The following GRM8 variants were observed in gnomAD, a reference collection of about 807,000 sequenced individuals.
The protein encoded by GRM8 is glutamate metabotropic receptor 8.
Under a neutral mutation model 87.2 loss-of-function variants are expected in GRM8, and 47 were observed. The ratio of observed to expected loss-of-function variants is 0.54; its 90% confidence interval spans 0.43 to 0.69. The LOEUF is 0.69. Among genes scored for constraint, GRM8 ranks in the 30% least tolerant of loss-of-function variants. The pLI is 0.00. For missense variants in GRM8, 1,019 were observed against 1,139.2 expected, an observed-to-expected ratio of 0.89 and a Z score of 1.52; for synonymous variants, 396 against 404.5, an observed-to-expected ratio of 0.98 and a Z score of 0.25.
intron 7 of GRM8, among the ~76,000 whole-genome samples, chr7:126,660,961 A>C (rs1805098666): frequency 6.6e-6 from 1 of 152,226 alleles, no homozygotes; most frequent in African/African-American, 2.4e-5. Flanking sequence ...TTTTCGACTG[A>C]ACTCATTGAG....
intron 6 of GRM8, among the ~76,000 whole-genome samples, chr7:126,800,168 T>C (rs946315626): frequency 2.0e-5 from 3 of 152,112 alleles, no homozygotes; most frequent in African/African-American, 7.2e-5. Context: ...ATGAAAATAT[T>C]CTACCTTGCC....
At chr7:126,595,803 C>A (rs1797129279) in intron 8 of GRM8, among the ~76,000 whole-genome samples, 1 of 152,102 alleles carries the variant, frequency 6.6e-6, no homozygotes, top group South Asian at 2.1e-4. Flanking sequence ...GTGAACAGTG[C>A]TGCAGTTAAC....
chr7:126,597,182 G>C (rs55833678), intron 8 of GRM8, among the ~76,000 whole-genome samples: 2,165 of 152,194 alleles, frequency 0.014, 22 homozygotes, highest in Middle Eastern at 0.024. Flanking sequence ...GAGGATCCTA[G>C]CTTTTGGCTC....
chr7:126,827,687 AT>A (rs1189002836), intron 6 of GRM8, among the ~76,000 whole-genome samples: 2 of 152,098 alleles, frequency 1.3e-5, no homozygotes, highest in African/African-American at 4.8e-5. Context: ...TCTTTTCCTA[AT>A]TGAATACCCT....
chr7:126,462,762 TA>T (rs1584694041), intron 9 of GRM8, among the ~76,000 whole-genome samples: 1 of 151,602 alleles, frequency 6.6e-6, no homozygotes, highest in East Asian at 1.9e-4. Flanking sequence ...GTGGAGGAAA[TA>T]TTGAGTATTC....
At chr7:126,957,404 T>G (rs899385946) in intron 3 of GRM8, among the ~76,000 whole-genome samples, 1 of 152,122 alleles carries the variant, frequency 6.6e-6, no homozygotes, top group South Asian at 2.1e-4. Flanking sequence ...CCCTACCGAG[T>G]TGGAGTCCCA....
intron 8 of GRM8, among the ~76,000 whole-genome samples, chr7:126,540,970 ATTTTCAAGTGG>A (rs1816467170): frequency 6.6e-6 from 1 of 152,232 alleles, no homozygotes; most frequent in Non-Finnish European, 1.5e-5. Context: ...TTAAGTAGAT[ATTTTCAAGTGG>A]TTTTAAGACT....
intron 7 of GRM8, among the ~76,000 whole-genome samples, chr7:126,673,917 G>A (rs909814545): frequency 1.2e-4 from 19 of 152,204 alleles, no homozygotes; most frequent in Non-Finnish European, 7.4e-5. Context: ...CTTAGTTGGC[G>A]TTCGATTAGC....
chr7:126,554,784 T>C (rs545609001), intron 8 of GRM8, among the ~76,000 whole-genome samples: 2 of 152,326 alleles, frequency 1.3e-5, no homozygotes, highest in African/African-American at 4.8e-5. Flanking sequence ...TTCCAGTCTT[T>C]CTTTTTATTG....
At chr7:126,816,873 C>A (rs1793836104) in intron 6 of GRM8, among the ~76,000 whole-genome samples, 1 of 151,824 alleles carries the variant, frequency 6.6e-6, no homozygotes, top group Non-Finnish European at 1.5e-5. Context: ...CATGGGCAAT[C>A]TTTTTTATCC....
rs73228921 is a variant in GRM8 at position 126,852,648 on chromosome 7, T to A, written c.1156+49894A>T. ...ACCTTCTTAGAAATCTTAAAATGTA[T>A]TGAGAGTATTTTCTTTAAGAGAATT... On this transcript the variant is annotated intron_variant, in intron 6 of 10. Transcript: ENST00000339582. 3.9e-3 allele frequency among the ~76,000 whole-genome samples: 590 copies of A among 152,262 alleles called. 6 individuals are homozygous for A. The highest frequency in any genetic ancestry group is 3.6e-3 in the Non-Finnish European group (247 of 68,020).
chr7:126,713,801 T>C (rs1811399411), intron 7 of GRM8, among the ~76,000 whole-genome samples: 1 of 152,000 alleles, frequency 6.6e-6, no homozygotes, highest in Non-Finnish European at 1.5e-5. Flanking sequence ...TGGGGATGGA[T>C]GTGTTAGTTT....
At chr7:126,597,032 T>C (rs1350559397) in intron 8 of GRM8, among the ~76,000 whole-genome samples, 1 of 152,126 alleles carries the variant, frequency 6.6e-6, no homozygotes, top group East Asian at 1.9e-4. Context: ...CATTTAAATA[T>C]ACAACAAAGC....
intron 9 of GRM8, among the ~76,000 whole-genome samples, chr7:126,527,321 G>A (rs1814011785): frequency 1.3e-5 from 2 of 152,176 alleles, no homozygotes; most frequent in African/African-American, 2.4e-5. Context: ...TGGCGCCACT[G>A]CACTCCAGCC....
At chr7:126,733,227 T>C (rs762156115) in intron 7 of GRM8, among the ~76,000 whole-genome samples, 1 of 152,050 alleles carries the variant, frequency 6.6e-6, no homozygotes. Flanking sequence ...ATGTTAGAAC[T>C]ATTAAAGGAC....
chr7:126,451,968 T>C (rs1164184374), intron 9 of GRM8, among the ~76,000 whole-genome samples: 1 of 151,786 alleles, frequency 6.6e-6, no homozygotes, highest in Non-Finnish European at 1.5e-5. Flanking sequence ...TGGTACCTAT[T>C]TCCCCTAGCT....
At chr7:126,883,051 T>C (rs1210022205) in intron 6 of GRM8, among the ~76,000 whole-genome samples, 3 of 152,198 alleles carry the variant, frequency 2.0e-5, no homozygotes, top group Admixed American at 6.5e-5. Flanking sequence ...TGCCCAAATG[T>C]TCTCCTTGGT....
intron 3 of GRM8, among the ~76,000 whole-genome samples, chr7:127,062,991 AC>A (rs1300668981): frequency 6.6e-6 from 1 of 152,062 alleles, no homozygotes; most frequent in South Asian, 2.1e-4. Flanking sequence ...GGTGGCTCAC[AC>A]CTGTAATCCC....
chr7:126,919,194 C>A (rs1804241635), intron 3 of GRM8, among the ~76,000 whole-genome samples: 1 of 152,162 alleles, frequency 6.6e-6, no homozygotes, highest in Admixed American at 6.5e-5. Flanking sequence ...CATGTTCCCT[C>A]TGCATGACCC....
Sources: gnomAD v4.1 joint callset for allele counts (sites outside exome capture counted in the v4.1 genomes callset) on GRCh38, gnomAD v4.1.1 for gene constraint, MANE v1.5 for transcripts, NCBI Gene and HGNC (gene_info 2026-07-23, HGNC 2026-07-21) for gene names.